Variants in CHSY3 observed in about 807,000 individuals in gnomAD.
The protein encoded by CHSY3 is N-acetylgalactosaminyl-proteoglycan 3-beta-glucuronosyltransferase 3.
CHSY3 carries 35 observed loss-of-function variants against 67.2 expected under a neutral mutation model. The observed-to-expected ratio is 0.52, with a 90% confidence interval of 0.40 to 0.69. CHSY3 has a LOEUF of 0.69. Ranked by LOEUF, CHSY3 falls within the 30% of genes least tolerant of loss-of-function variation. CHSY3 has a pLI of 0.00. For missense variants in CHSY3, 1,069 were observed against 1,138.5 expected (o/e 0.94, Z 0.88); for synonymous variants, 474 against 434.7 (o/e 1.09, Z -1.12).
At chr5:129,912,675 A>G (rs1581358958) in intron 2 of CHSY3, among the ~76,000 whole-genome samples, 1 of 152,276 alleles carries the variant, frequency 6.6e-6, no homozygotes, top group East Asian at 1.9e-4. Context: ...GCCAATCCAG[A>G]TATCTTAAAA....
At chr5:129,953,300 G>T (rs186845152) in intron 2 of CHSY3, among the ~76,000 whole-genome samples, 1 of 152,112 alleles carries the variant, frequency 6.6e-6, no homozygotes, top group Admixed American at 6.6e-5. Flanking sequence ...CTCTGCAAAC[G>T]ACATGAACTC....
intron 2 of CHSY3, among the ~76,000 whole-genome samples, chr5:129,961,087 A>G (rs1334676811): frequency 1.3e-5 from 2 of 152,056 alleles, no homozygotes; most frequent in South Asian, 4.1e-4. Context: ...TGGTACAGAC[A>G]TGAGTTTTCA....
chr5:130,074,508 A>G (rs936292866), intron 2 of CHSY3, among the ~76,000 whole-genome samples: 1 of 152,224 alleles, frequency 6.6e-6, no homozygotes. Flanking sequence ...GTGCTCTCTT[A>G]ATATTTAGGA....
At chr5:129,972,964 A>G (rs1248525038) in intron 2 of CHSY3, among the ~76,000 whole-genome samples, 3 of 151,938 alleles carry the variant, frequency 2.0e-5, no homozygotes, top group Non-Finnish European at 4.4e-5. Context: ...CCACAGATAG[A>G]GTCTTGTGAT....
At chr5:130,071,573 GTT>G (rs1491582295) in intron 2 of CHSY3, among the ~76,000 whole-genome samples, 6 of 147,982 alleles carry the variant, frequency 4.1e-5, no homozygotes, top group East Asian at 1.9e-4. Context: ...GTGTGTGTGT[GTT>G]TGTATACACA....
Position 129,904,888 on chromosome 5 carries a change from T to A in CHSY3, c.59T>A (p.Phe20Tyr). The change falls in exon 1 of 3, where the codon TTC (phenylalanine) becomes TAC (tyrosine). Residue 20 changes from phenylalanine (F) to tyrosine (Y), a missense_variant. Phe to Tyr is a conservative substitution (Grantham distance 22). This residue lies in a region of CHSY3 where 309 missense variants were observed against 262.5 expected (regional missense o/e 1.18). Transcript: ENST00000305031. Reference sequence around the variant, plus strand: ...GTGGCATTAGGGCTGGTGCTGGGCTTCACCGCCGCGTCCTGGCTCATCGCC... The same window carrying A: ...GTGGCATTAGGGCTGGTGCTGGGCTACACCGCCGCGTCCTGGCTCATCGCC... ...MSVALGLVLG[F>Y]TAASWLIAPR... is the part of the protein sequence containing the mutation. The A allele has an allele frequency of 6.6e-7, 1 of 1,523,262 alleles. No homozygotes were observed. The highest frequency in any genetic ancestry group is 2.0e-5 in the Admixed American group (1 of 50,276). 94.4% of individuals were successfully genotyped at this position (1,523,262 alleles called of 1,614,324 possible). A position where few individuals can be genotyped will look rare whatever the true frequency, so the allele number is the denominator to read the frequency against.
intron 2 of CHSY3, among the ~76,000 whole-genome samples, chr5:130,022,947 A>G (rs1764435920): frequency 6.6e-6 from 1 of 151,990 alleles, no homozygotes. Flanking sequence ...TATGCCCTAT[A>G]TTTGTTATAT....
intron 2 of CHSY3, among the ~76,000 whole-genome samples, chr5:130,169,425 A>G (rs1769837808): frequency 6.6e-6 from 1 of 152,102 alleles, no homozygotes. Context: ...ACCTCCTTAT[A>G]CAGCATTCCA....
At chr5:130,131,235 T>A (rs1191411217) in intron 2 of CHSY3, among the ~76,000 whole-genome samples, 1 of 152,140 alleles carries the variant, frequency 6.6e-6, no homozygotes, top group African/African-American at 2.4e-5. Context: ...TTCTTCTCTT[T>A]CTCTCACTTT....
At chr5:130,121,039 C>G (rs1165335483) in intron 2 of CHSY3, among the ~76,000 whole-genome samples, 1 of 152,188 alleles carries the variant, frequency 6.6e-6, no homozygotes, top group Non-Finnish European at 1.5e-5. Flanking sequence ...CCCTACTGTT[C>G]CGTTTGGGCT....
intron 2 of CHSY3, chr5:130,141,721 CAG>C (rs34068057): frequency 0.35 from 182,318 of 522,000 alleles, 33,388 homozygotes; most frequent in Admixed American, 0.44. Context: ...TGAGGACAAA[CAG>C]AAGATTCTTG....
At chr5:129,920,729 C>T (rs1760894295) in intron 2 of CHSY3, among the ~76,000 whole-genome samples, 1 of 152,172 alleles carries the variant, frequency 6.6e-6, no homozygotes, top group South Asian at 2.1e-4. Context: ...ATCAGTAAAG[C>T]TAGCACTAAT....
At chr5:129,928,218 T>C (rs991591948) in intron 2 of CHSY3, among the ~76,000 whole-genome samples, 2 of 125,228 alleles carry the variant, frequency 1.6e-5, no homozygotes, top group Non-Finnish European at 3.3e-5. Context: ...TGTGAAAGGC[T>C]CCAGTACTCA....
intron 2 of CHSY3, among the ~76,000 whole-genome samples, chr5:130,034,661 A>C (rs1354965992): frequency 6.6e-6 from 1 of 152,160 alleles, no homozygotes; most frequent in East Asian, 1.9e-4. Context: ...GCAATCAAAA[A>C]AAATTTAACA....
chr5:130,168,146 G>A lies in CHSY3; in HGVS notation c.1087-16083G>A, dbSNP rs773568860. On this transcript the variant is annotated intron_variant, in intron 2 of 2. Transcript: ENST00000305031. ...AATTTCCTACAGAAGCCCTAGTTTT[G>A]TGCTATTTCTTGAATGAAAGACTAC... Among the ~76,000 whole-genome samples, 8 of 152,090 alleles carry A rather than the reference G, an allele frequency of 5.3e-5. No homozygotes were observed. In the South Asian group the frequency reaches 6.2e-4, roughly 12 times the overall value.
intron 2 of CHSY3, among the ~76,000 whole-genome samples, chr5:130,043,611 G>A (rs1393405189): frequency 1.3e-5 from 2 of 152,126 alleles, no homozygotes; most frequent in Non-Finnish European, 2.9e-5. Context: ...CTAAATGTAG[G>A]ACATTGACGA....
In CHSY3 at chr5:130,162,257, T is replaced by C. The variant is rs528063386; in HGVS notation, c.1087-21972T>C. Among the ~76,000 whole-genome samples, 8 of 152,210 alleles carry C rather than the reference T, an allele frequency of 5.3e-5. No homozygotes were observed. The East Asian group carries it at 1.5e-3, about 29-fold the overall frequency. On this transcript the variant is annotated intron_variant, in intron 2 of 2. Coordinates refer to ENST00000305031, the MANE Select transcript of CHSY3 (RefSeq NM_175856.5). ...GAGATCCATTTGTGTCTACTGCACA[T>C]TTAAATAATGTATGATATATAAATA...
Position 129,904,507 on chromosome 5 carries a change from CGCT to C in CHSY3, c.-319_-317del, listed in dbSNP as rs1247105080. ...CTAGGAGCGGACGCGTTGCCGCCGC[CGCT>C]GCTCCTCCTCCTCCTCCTGCAGCTC... On this transcript the variant is annotated 5_prime_UTR_variant, in exon 1 of 3. Coordinates refer to ENST00000305031, the MANE Select transcript of CHSY3 (RefSeq NM_175856.5). 4.0e-6 allele frequency: 1 copy of C among 252,910 alleles called. No homozygotes were observed. The highest frequency in any genetic ancestry group is 7.4e-6 in the Non-Finnish European group (1 of 135,624). The allele number at this position is 252,910 out of a possible 1,614,324, so 15.7% of individuals were successfully genotyped here. A position where few individuals can be genotyped will look rare whatever the true frequency, so the allele number is the denominator to read the frequency against.
At chr5:129,953,425 C>T (rs571022335) in intron 2 of CHSY3, among the ~76,000 whole-genome samples, 8 of 152,028 alleles carry the variant, frequency 5.3e-5, no homozygotes, top group Admixed American at 1.3e-4. Flanking sequence ...TTGTGAATAG[C>T]GCTGCAATAA....
Sources: gnomAD v4.1 joint callset for allele counts (sites outside exome capture counted in the v4.1 genomes callset) on GRCh38, gnomAD v4.1.1 for gene constraint, gnomAD v4.1.1 regional missense constraint, MANE v1.5 for transcripts, NCBI Gene and HGNC (gene_info 2026-07-23, HGNC 2026-07-21) for gene names.